Variants in FBXW7 observed in about 807,000 individuals in gnomAD.
FBXW7 encodes F-box/WD repeat-containing protein 7.
In FBXW7, 11 loss-of-function variants were observed where a neutral mutation model predicts 86.3. That is an observed-to-expected ratio of 0.13 (90% CI 0.08 to 0.21). The LOEUF is 0.21. FBXW7 is among the 10% of genes least tolerant of loss of function. The pLI, the probability that FBXW7 is intolerant of heterozygous loss-of-function variation, is 1.00. For synonymous variants in FBXW7, 313 were observed against 297.9 expected (o/e 1.05, Z -0.52); for missense variants, 488 against 847.4 (o/e 0.58, Z 5.27).
intron 2 of FBXW7, among the ~76,000 whole-genome samples, chr4:152,469,399 A>G (rs925348872): frequency 2.6e-5 from 4 of 152,160 alleles, no homozygotes; most frequent in African/African-American, 9.6e-5. Context: ...TAAAAGCTTT[A>G]TCTATGAAAT....
intron 2 of FBXW7, among the ~76,000 whole-genome samples, chr4:152,445,646 A>G (rs77685101): frequency 0.014 from 2,083 of 152,236 alleles, 26 homozygotes; most frequent in Middle Eastern, 0.037. Context: ...AGTGGCTCAC[A>G]CCTGTAATCC....
chr4:152,474,153 TTA>T (rs1744195535), intron 2 of FBXW7, among the ~76,000 whole-genome samples: 1 of 152,148 alleles, frequency 6.6e-6, no homozygotes, highest in African/African-American at 2.4e-5. Context: ...TAACCAAACT[TTA>T]TAACTTCTAG....
chr4:152,338,352 G>T (rs545619155), intron 6 of FBXW7, among the ~76,000 whole-genome samples: 1 of 151,808 alleles, frequency 6.6e-6, no homozygotes, highest in Non-Finnish European at 1.5e-5. Flanking sequence ...TTTTAATAAG[G>T]CACTCATCTG....
At chr4:152,522,549 T>C (rs906636207) in intron 2 of FBXW7, among the ~76,000 whole-genome samples, 2 of 152,282 alleles carry the variant, frequency 1.3e-5, no homozygotes, top group East Asian at 1.9e-4. Flanking sequence ...GCTGGCATTC[T>C]GGACCAGGTA....
chr4:152,452,920 C>T (rs553639155), intron 2 of FBXW7, among the ~76,000 whole-genome samples: 4 of 152,332 alleles, frequency 2.6e-5, no homozygotes, highest in South Asian at 4.1e-4. Context: ...CAGTGGCTCA[C>T]GCCTGTAATC....
chr4:152,337,659 T>C (rs1465926229), intron 7 of FBXW7, 143 bp downstream of exon 7: 4 of 768,172 alleles, frequency 5.2e-6, no homozygotes, highest in Non-Finnish European at 6.0e-6. Flanking sequence ...ATTTATCAAT[T>C]TACAGCCCTC....
intron 2 of FBXW7, among the ~76,000 whole-genome samples, chr4:152,431,621 C>A (rs1449349434): frequency 6.6e-6 from 1 of 152,140 alleles, no homozygotes; most frequent in Admixed American, 6.5e-5. Context: ...CAGTCCAAAA[C>A]AATGGTGTCC....
intron 4 of FBXW7, among the ~76,000 whole-genome samples, chr4:152,358,197 G>GT (rs1453862950): frequency 6.6e-6 from 1 of 152,104 alleles, no homozygotes; most frequent in East Asian, 1.9e-4. Context: ...AGTATAAAAT[G>GT]TAAGTTTGAC....
intron 2 of FBXW7, among the ~76,000 whole-genome samples, chr4:152,475,778 C>T (rs1157260962): frequency 1.3e-5 from 2 of 152,126 alleles, no homozygotes; most frequent in African/African-American, 4.8e-5. Context: ...AAAAGATACA[C>T]TTCCACAAAA....
intron 4 of FBXW7, among the ~76,000 whole-genome samples, chr4:152,370,091 A>G (rs1441316043): frequency 6.6e-6 from 1 of 152,034 alleles, no homozygotes; most frequent in East Asian, 1.9e-4. Flanking sequence ...CTACATGTTC[A>G]TATTAGTAGC....
intron 5 of FBXW7, 41 bp downstream of exon 5, chr4:152,349,998 TAAA>T: frequency 1.7e-6 from 2 of 1,156,816 alleles, no homozygotes; most frequent in East Asian, 5.3e-5. Flanking sequence ...GAATCAACTC[TAAA>T]AAACTGAGAA....
chr4:152,388,173 T>C (rs1383654201), intron 4 of FBXW7, among the ~76,000 whole-genome samples: 1 of 152,210 alleles, frequency 6.6e-6, no homozygotes, highest in Non-Finnish European at 1.5e-5. Flanking sequence ...TCACTCAGAT[T>C]ACAACTTCCA....
chr4:152,383,271 A>AC (rs1252925711), intron 4 of FBXW7, among the ~76,000 whole-genome samples: 1 of 152,110 alleles, frequency 6.6e-6, no homozygotes, highest in Non-Finnish European at 1.5e-5. Context: ...TTTCTCCTTC[A>AC]CAGTATGGTC....
chr4:152,369,918 A>G (rs999531999), intron 4 of FBXW7, among the ~76,000 whole-genome samples: 3 of 152,028 alleles, frequency 2.0e-5, no homozygotes, highest in Non-Finnish European at 4.4e-5. Flanking sequence ...TAAGAACATG[A>G]ACTGAAAGAA....
intron 4 of FBXW7, among the ~76,000 whole-genome samples, chr4:152,396,798 T>G (rs934771286): frequency 1.1e-4 from 17 of 152,148 alleles, no homozygotes; most frequent in African/African-American, 4.1e-4. Context: ...ATGGCAGTGA[T>G]ACAGAAAACT....
chr4:152,366,585 C>A (rs562260540), intron 4 of FBXW7, among the ~76,000 whole-genome samples: 9 of 152,160 alleles, frequency 5.9e-5, no homozygotes, highest in African/African-American at 2.2e-4. Context: ...AATGAGATAC[C>A]ATCTCACACC....
At chr4:152,520,997 AAT>A (rs1419214241) in intron 2 of FBXW7, among the ~76,000 whole-genome samples, 1 of 152,174 alleles carries the variant, frequency 6.6e-6, no homozygotes, top group East Asian at 1.9e-4. Flanking sequence ...GTGACAAGAT[AAT>A]GTGTGGTCTC....
intron 2 of FBXW7, among the ~76,000 whole-genome samples, chr4:152,441,403 A>G (rs1579208336): frequency 6.7e-6 from 1 of 149,368 alleles, no homozygotes; most frequent in East Asian, 1.9e-4. Context: ...TTTAATCTTA[A>G]TCTTGTCTCT....
At chr4:152,341,820 T>TGC (rs969830749) in intron 6 of FBXW7, among the ~76,000 whole-genome samples, 2 of 152,190 alleles carry the variant, frequency 1.3e-5, no homozygotes, top group African/African-American at 2.4e-5. Context: ...TGTGTGTGTG[T>TGC]GCGCGCGCAT....
Sources: gnomAD v4.1 joint callset for allele counts (sites outside exome capture counted in the v4.1 genomes callset) on GRCh38, gnomAD v4.1.1 for gene constraint, MANE v1.5 for transcripts, NCBI Gene and HGNC (gene_info 2026-07-23, HGNC 2026-07-21) for gene names.